Variants in ATG7 observed in about 807,000 individuals in gnomAD.
The protein encoded by ATG7 is ubiquitin-like modifier-activating enzyme ATG7.
A neutral mutation model predicts 82.4 loss-of-function variants in ATG7; 70 were observed. The ratio of observed to expected loss-of-function variants is 0.85; its 90% CI spans 0.70 to 1.04. ATG7 has a LOEUF of 1.04. Ranked by LOEUF, ATG7 falls within the 50% of genes least tolerant of loss-of-function variation. The pLI, the probability that ATG7 is intolerant of heterozygous loss-of-function variation, is 0.00. For synonymous variants in ATG7, 287 were observed against 313.0 expected, an observed-to-expected ratio of 0.92 and a Z score of 0.88; for missense variants, 792 against 864.3, an observed-to-expected ratio of 0.92 and a Z score of 1.05.
chr3:11,396,413 T>C (rs1025577751), intron 19 of ATG7, among the ~76,000 whole-genome samples: 3 of 152,020 alleles, frequency 2.0e-5, no homozygotes, highest in Admixed American at 2.0e-4. Context: ...TACCCCAGCC[T>C]GAGCAACAGA....
intron 11 of ATG7, among the ~76,000 whole-genome samples, chr3:11,337,075 G>A (rs1000849551): frequency 2.0e-5 from 3 of 152,126 alleles, no homozygotes; most frequent in African/African-American, 4.8e-5. Flanking sequence ...ACACTGCTGC[G>A]GGTAGAGATC....
intron 20 of ATG7, among the ~76,000 whole-genome samples, chr3:11,442,750 A>C (rs1409602786): frequency 1.3e-4 from 18 of 141,952 alleles, no homozygotes; most frequent in South Asian, 2.2e-4. Flanking sequence ...AAAAAAAAAA[A>C]AAAAAAAAAA....
At chr3:11,400,339 T>C (rs369777200) in intron 19 of ATG7, among the ~76,000 whole-genome samples, 2 of 152,216 alleles carry the variant, frequency 1.3e-5, no homozygotes, top group East Asian at 3.9e-4. Flanking sequence ...CCTCTTATGC[T>C]GAGTACCCAG....
intron 9 of ATG7, among the ~76,000 whole-genome samples, chr3:11,329,110 A>G (rs1289187822): frequency 6.6e-6 from 1 of 152,206 alleles, no homozygotes; most frequent in Non-Finnish European, 1.5e-5. Flanking sequence ...TCTCAAAACA[A>G]CAACAACAAA....
chr3:11,300,563 G>C (rs1946630431), intron 5 of ATG7, among the ~76,000 whole-genome samples: 1 of 152,174 alleles, frequency 6.6e-6, no homozygotes, highest in Non-Finnish European at 1.5e-5. Flanking sequence ...GTGTCTGCTA[G>C]AAATGTCCAG....
intron 19 of ATG7, among the ~76,000 whole-genome samples, chr3:11,421,008 G>C (rs1041959234): frequency 6.6e-6 from 1 of 152,092 alleles, no homozygotes; most frequent in African/African-American, 2.4e-5. Flanking sequence ...GCCTGCCTCA[G>C]CCTCCCAAAG....
At chr3:11,284,528 G>T (rs60726911) in intron 3 of ATG7, among the ~76,000 whole-genome samples, 3,849 of 152,254 alleles carry the variant, frequency 0.025, 173 homozygotes, top group African/African-American at 0.088. Context: ...ATGGTTTAAA[G>T]ATAGGGGTTT....
At chr3:11,489,948 A>G (rs2090171623) in intron 20 of ATG7, among the ~76,000 whole-genome samples, 1 of 151,914 alleles carries the variant, frequency 6.6e-6, no homozygotes, top group Admixed American at 6.6e-5. Flanking sequence ...AAAAATGTAT[A>G]TTCTATTGAT....
At chr3:11,420,069 G>T (rs1409950934) in intron 19 of ATG7, among the ~76,000 whole-genome samples, 1 of 152,128 alleles carries the variant, frequency 6.6e-6, no homozygotes. Flanking sequence ...CAAATTCTTT[G>T]TGATAACATC....
chr3:11,298,616 C>A, intron 3 of ATG7, 70 bp from the exon 4 acceptor site: 4 of 1,444,426 alleles, frequency 2.8e-6, no homozygotes, highest in Non-Finnish European at 3.8e-6. Context: ...AACTTTATTA[C>A]AAATGTTCTT....
chr3:11,298,888 T>A, intron 4 of ATG7, 33 bp downstream of exon 4: 1 of 1,611,454 alleles, frequency 6.2e-7, no homozygotes, highest in Non-Finnish European at 8.5e-7. Context: ...TTCCATCATC[T>A]TCTGTTATCC....
At chr3:11,359,325 A>C (rs1442185898) in intron 15 of ATG7, among the ~76,000 whole-genome samples, 1 of 152,138 alleles carries the variant, frequency 6.6e-6, no homozygotes, top group Non-Finnish European at 1.5e-5. Flanking sequence ...TTATTTTTCA[A>C]ACTTTCTATA....
At chr3:11,338,126 T>C (rs926650274) in intron 11 of ATG7, among the ~76,000 whole-genome samples, 24 of 152,144 alleles carry the variant, frequency 1.6e-4, no homozygotes, top group Non-Finnish European at 3.2e-4. Flanking sequence ...CACCCTCAAG[T>C]AGGCCCCAGT....
intron 20 of ATG7, among the ~76,000 whole-genome samples, chr3:11,515,316 A>ATGTG (rs2092241578): frequency 2.9e-5 from 1 of 34,512 alleles, no homozygotes; most frequent in Non-Finnish European, 5.9e-5. Flanking sequence ...GTATGTATGT[A>ATGTG]TTTTTGAGAC....
chr3:11,464,742 C>T (rs1213230532), intron 20 of ATG7, among the ~76,000 whole-genome samples: 1 of 152,166 alleles, frequency 6.6e-6, no homozygotes. Context: ...GGGCTTTTAC[C>T]TTTTATTGCC....
chr3:11,482,207 A>G (rs2089077839), intron 20 of ATG7, among the ~76,000 whole-genome samples: 1 of 152,182 alleles, frequency 6.6e-6, no homozygotes, highest in Non-Finnish European at 1.5e-5. Flanking sequence ...GAGAAGGGGA[A>G]TGGCTCTCCC....
At chr3:11,551,478 G>A (rs2071774169) in intron 20 of ATG7, among the ~76,000 whole-genome samples, 1 of 152,236 alleles carries the variant, frequency 6.6e-6, no homozygotes, top group African/African-American at 2.4e-5. Flanking sequence ...CGTCTTTCCA[G>A]GAGAGATTCT....
intron 19 of ATG7, among the ~76,000 whole-genome samples, chr3:11,424,791 TAA>T (rs1223952059): frequency 6.6e-6 from 1 of 152,198 alleles, no homozygotes; most frequent in Non-Finnish European, 1.5e-5. Context: ...GATACATGCA[TAA>T]ACAAGTATGT....
At chr3:11,545,420 C>G (rs2071192459) in intron 20 of ATG7, among the ~76,000 whole-genome samples, 1 of 152,240 alleles carries the variant, frequency 6.6e-6, no homozygotes, top group Non-Finnish European at 1.5e-5. Context: ...CGAGAGCCTG[C>G]GCAGTGACCC....
Sources: gnomAD v4.1 joint callset for allele counts (sites outside exome capture counted in the v4.1 genomes callset) on GRCh38, gnomAD v4.1.1 for gene constraint, MANE v1.5 for transcripts, NCBI Gene and HGNC (gene_info 2026-07-23, HGNC 2026-07-21) for gene names.